ROBO1: variants seen among roughly 807,000 people sequenced by gnomAD.
ROBO1 encodes the protein roundabout homolog 1.
In ROBO1, 149 loss-of-function variants were observed where a neutral mutation model predicts 195.9. The observed-to-expected ratio is 0.76, with a 90% CI of 0.67 to 0.87. The LOEUF is 0.87. Ranked by LOEUF, ROBO1 falls within the 40% of genes least tolerant of loss-of-function variation. The probability of loss-of-function intolerance (pLI) is 0.00; values close to 1 mark genes in which losing one functional copy is unlikely to be tolerated. For missense variants in ROBO1, 1,933 were observed against 2,068.3 expected (o/e 0.93, Z 1.27); for synonymous variants, 816 against 733.2 (o/e 1.11, Z -1.82).
chr3:79,437,111 CATCTT>C (rs1185062226), intron 2 of ROBO1, among the ~76,000 whole-genome samples: 1 of 152,050 alleles, frequency 6.6e-6, no homozygotes, highest in Non-Finnish European at 1.5e-5. Flanking sequence ...CTGTACCTCT[CATCTT>C]AGTCACTGCT....
At chr3:79,431,276 A>C (rs2038664916) in intron 2 of ROBO1, among the ~76,000 whole-genome samples, 1 of 152,130 alleles carries the variant, frequency 6.6e-6, no homozygotes, top group African/African-American at 2.4e-5. Context: ...AAATCCCATC[A>C]ATAACTTATT....
intron 1 of ROBO1, among the ~76,000 whole-genome samples, chr3:79,698,126 T>C (rs1202828409): frequency 2.0e-5 from 3 of 151,514 alleles, no homozygotes; most frequent in Non-Finnish European, 3.0e-5. Context: ...CTCAGTGATA[T>C]ACTAGGCAGC....
At chr3:79,207,760 A>T (rs1278695999) in intron 2 of ROBO1, among the ~76,000 whole-genome samples, 2 of 151,630 alleles carry the variant, frequency 1.3e-5, no homozygotes, top group African/African-American at 4.9e-5. Context: ...GAGTCATATA[A>T]GATTGAATTG....
chr3:79,504,280 G>T lies in ROBO1; in HGVS notation c.88+85544C>A, dbSNP rs1575931372. ...CATAACCTTTTGTGGAAACATTTTT[G>T]GTTTAATAAATGCCTGTTGATAAAG... is the stretch of plus-strand genomic sequence containing the variant. On this transcript the variant is annotated intron_variant, in intron 2 of 30. Coordinates refer to ENST00000464233, the MANE Select transcript of ROBO1 (RefSeq NM_002941.4). 2.0e-5 allele frequency among the ~76,000 whole-genome samples: 3 copies of T among 151,864 alleles called. No homozygotes were observed. The East Asian group carries it at 5.8e-4, about 29-fold the overall frequency.
chr3:78,773,762 T>C (rs993487539), intron 4 of ROBO1, among the ~76,000 whole-genome samples: 6 of 152,318 alleles, frequency 3.9e-5, no homozygotes, highest in African/African-American at 1.4e-4. Context: ...TAGTCTCATA[T>C]ATAGCAAACT....
At chr3:79,306,262 T>C (rs2033212370) in intron 2 of ROBO1, among the ~76,000 whole-genome samples, 1 of 152,176 alleles carries the variant, frequency 6.6e-6, no homozygotes, top group Non-Finnish European at 1.5e-5. Flanking sequence ...AGTGTGGTGA[T>C]GGAAGGGGAA....
intron 1 of ROBO1, among the ~76,000 whole-genome samples, chr3:79,624,650 T>G (rs1945113144): frequency 6.6e-6 from 1 of 152,122 alleles, no homozygotes; most frequent in Non-Finnish European, 1.5e-5. Flanking sequence ...AAGAGCGAAC[T>G]ATTATAAATA....
chr3:79,385,265 T>C (rs1236778916), intron 2 of ROBO1, among the ~76,000 whole-genome samples: 1 of 152,138 alleles, frequency 6.6e-6, no homozygotes, highest in Admixed American at 6.5e-5. Context: ...GTTATTTGAA[T>C]CTTTCTGTAT....
chr3:78,666,463 A>G (rs1388742402), intron 14 of ROBO1, among the ~76,000 whole-genome samples: 1 of 152,200 alleles, frequency 6.6e-6, no homozygotes, highest in East Asian at 1.9e-4. Context: ...AAAACCTTTC[A>G]GTTAGAGTCT....
chr3:78,718,442 G>T (rs920317287), intron 5 of ROBO1, among the ~76,000 whole-genome samples: 1 of 152,082 alleles, frequency 6.6e-6, no homozygotes, highest in Non-Finnish European at 1.5e-5. Flanking sequence ...TGATGTTGCT[G>T]CCACCCAAGC....
At chr3:79,681,172 A>G (rs932529456) in intron 1 of ROBO1, among the ~76,000 whole-genome samples, 1 of 152,154 alleles carries the variant, frequency 6.6e-6, no homozygotes, top group Non-Finnish European at 1.5e-5. Flanking sequence ...TTGATAGATA[A>G]CGATGAAGGA....
chr3:79,017,564 C>A (rs1194433190), intron 3 of ROBO1, among the ~76,000 whole-genome samples: 2 of 151,278 alleles, frequency 1.3e-5, no homozygotes, highest in South Asian at 4.2e-4. Flanking sequence ...GAAGTTGAGT[C>A]GTGGCTCAGT....
At chr3:78,796,986 C>A (rs2108553685) in intron 4 of ROBO1, among the ~76,000 whole-genome samples, 1 of 152,272 alleles carries the variant, frequency 6.6e-6, no homozygotes, top group East Asian at 1.9e-4. Context: ...CGAATCTCTC[C>A]AACATCTGAC....
intron 2 of ROBO1, among the ~76,000 whole-genome samples, chr3:79,125,819 G>A (rs915448946): frequency 3.9e-5 from 6 of 152,272 alleles, no homozygotes; most frequent in African/African-American, 9.6e-5. Context: ...GAAGGGCTCC[G>A]ACTGCCCTCT....
At chr3:79,205,137 C>A (rs758197942) in intron 2 of ROBO1, among the ~76,000 whole-genome samples, 2 of 151,840 alleles carry the variant, frequency 1.3e-5, no homozygotes, top group African/African-American at 2.4e-5. Flanking sequence ...GGATTACAGG[C>A]GCGCACCACC....
intron 2 of ROBO1, among the ~76,000 whole-genome samples, chr3:79,220,556 A>G (rs2082120352): frequency 6.6e-6 from 1 of 151,972 alleles, no homozygotes; most frequent in African/African-American, 2.4e-5. Context: ...CAGTGTGTGG[A>G]ATCAGTCTTT....
chr3:79,745,285 AC>A (rs1324619714), intron 1 of ROBO1, among the ~76,000 whole-genome samples: 2 of 152,238 alleles, frequency 1.3e-5, no homozygotes, highest in Non-Finnish European at 2.9e-5. Context: ...GAATACTATT[AC>A]TTAAAGATGT....
At chr3:78,833,857 C>T (rs1576256399) in intron 4 of ROBO1, among the ~76,000 whole-genome samples, 1 of 152,050 alleles carries the variant, frequency 6.6e-6, no homozygotes, top group East Asian at 1.9e-4. Context: ...TGATCCTGAA[C>T]AAGTCAAACC....
intron 2 of ROBO1, among the ~76,000 whole-genome samples, chr3:79,345,677 CATG>C (rs746177438): frequency 6.6e-6 from 1 of 152,112 alleles, no homozygotes; most frequent in Non-Finnish European, 1.5e-5. Flanking sequence ...ACTTTCTAAT[CATG>C]ATATGATGCA....
Sources: gnomAD v4.1 joint callset for allele counts (sites outside exome capture counted in the v4.1 genomes callset) on GRCh38, gnomAD v4.1.1 for gene constraint, MANE v1.5 for transcripts, NCBI Gene and HGNC (gene_info 2026-07-23, HGNC 2026-07-21) for gene names.